The following SUGCT variants were observed in gnomAD, a reference collection of about 807,000 sequenced individuals.
The protein encoded by SUGCT is succinyl-CoA:glutarate-CoA transferase, also known as succinyl-CoA:glutarate CoA-transferase.
SUGCT carries 41 observed loss-of-function variants against 55.0 expected under a neutral mutation model. That is an observed-to-expected ratio of 0.74 (90% CI 0.58 to 0.97). SUGCT has a LOEUF of 0.97. Among genes scored for constraint, SUGCT ranks in the 50% least tolerant of loss-of-function variants. The pLI is 0.00. For synonymous variants in SUGCT, 187 were observed against 200.4 expected (o/e 0.93, Z 0.56); for missense variants, 568 against 547.8 (o/e 1.04, Z -0.37).
At chr7:40,221,368 C>T (rs192091560) in intron 6 of SUGCT, among the ~76,000 whole-genome samples, 18 of 147,728 alleles carry the variant, frequency 1.2e-4, no homozygotes, top group East Asian at 6.1e-4. Flanking sequence ...GAGCCAAGGT[C>T]ATGCCACTGC....
intron 9 of SUGCT, among the ~76,000 whole-genome samples, chr7:40,358,416 A>G (rs1300667076): frequency 6.6e-6 from 1 of 152,110 alleles, no homozygotes; most frequent in African/African-American, 2.4e-5. Context: ...AATTGCTTTA[A>G]AAAGTTATTC....
intron 12 of SUGCT, among the ~76,000 whole-genome samples, chr7:40,558,523 T>C (rs750375544): frequency 1.9e-4 from 29 of 152,206 alleles, no homozygotes; most frequent in Non-Finnish European, 4.1e-4. Flanking sequence ...ACAGATATCA[T>C]TAGGATTCCA....
chr7:40,565,993 GCACACACACACA>G (rs376444246), intron 12 of SUGCT, among the ~76,000 whole-genome samples: 2 of 123,948 alleles, frequency 1.6e-5, no homozygotes, highest in African/African-American at 4.1e-5. Flanking sequence ...ACACACACAC[GCACACACACACA>G]CACACACACA....
chr7:40,743,929 T>A (rs904129972), intron 12 of SUGCT, among the ~76,000 whole-genome samples: 2 of 152,082 alleles, frequency 1.3e-5, no homozygotes, highest in Non-Finnish European at 2.9e-5. Context: ...ATTTTTTGAA[T>A]ATATATTTTT....
intron 7 of SUGCT, among the ~76,000 whole-genome samples, chr7:40,251,845 T>C (rs1790433608): frequency 6.6e-6 from 1 of 151,660 alleles, no homozygotes; most frequent in Non-Finnish European, 1.5e-5. Flanking sequence ...CTTCAATCTT[T>C]TGCTTGGCTT....
intron 12 of SUGCT, among the ~76,000 whole-genome samples, chr7:40,543,563 A>G (rs971639561): frequency 6.6e-6 from 1 of 152,212 alleles, no homozygotes; most frequent in Non-Finnish European, 1.5e-5. Flanking sequence ...ATAAAAGGTT[A>G]TATTATGACT....
chr7:40,341,416 GA>G (rs971635602), intron 9 of SUGCT, among the ~76,000 whole-genome samples: 5 of 151,488 alleles, frequency 3.3e-5, no homozygotes, highest in East Asian at 3.9e-4. Flanking sequence ...TATTAATAGA[GA>G]AAAAAAAAGT....
intron 6 of SUGCT, among the ~76,000 whole-genome samples, chr7:40,208,560 C>T (rs1046499452): frequency 2.1e-5 from 3 of 146,270 alleles, no homozygotes; most frequent in African/African-American, 2.5e-5. Context: ...TAAATTGATT[C>T]TTTTTTTTTT....
intron 12 of SUGCT, among the ~76,000 whole-genome samples, chr7:40,639,014 A>G (rs1800144959): frequency 2.0e-5 from 3 of 152,328 alleles, no homozygotes; most frequent in Non-Finnish European, 4.4e-5. Context: ...ATCTCACGCT[A>G]TTGAGATTGA....
At chr7:40,198,825 C>T (rs567165888) in intron 6 of SUGCT, among the ~76,000 whole-genome samples, 10 of 152,024 alleles carry the variant, frequency 6.6e-5, no homozygotes, top group South Asian at 2.1e-4. Flanking sequence ...GACGAAACCC[C>T]GTCTCTACTA....
chr7:41,026,998 C>T, the SUGCT span, among the ~76,000 whole-genome samples: 3 of 152,138 alleles, frequency 2.0e-5, no homozygotes, highest in African/African-American at 7.2e-5. Context: ...TGCCATTGCA[C>T]TCCAGCCTGG....
the SUGCT span, among the ~76,000 whole-genome samples, chr7:40,956,142 C>T: frequency 0.33 from 50,538 of 152,004 alleles, 9,128 homozygotes; most frequent in Admixed American, 0.45. Context: ...GCTGGCCTCA[C>T]AAAAAGAGTT....
intron 1 of SUGCT, among the ~76,000 whole-genome samples, chr7:40,149,860 A>G (rs1236243428): frequency 6.6e-6 from 1 of 152,210 alleles, no homozygotes; most frequent in Non-Finnish European, 1.5e-5. Context: ...CGGAGGTTGC[A>G]GTGAGCTGAG....
chr7:40,427,442 A>G (rs1052781102), intron 9 of SUGCT, among the ~76,000 whole-genome samples: 6 of 152,194 alleles, frequency 3.9e-5, no homozygotes, highest in Admixed American at 2.0e-4. Context: ...CCCCCTTAAC[A>G]TAGTGTGGAC....
At chr7:40,359,817 G>A (rs1487266419) in intron 9 of SUGCT, among the ~76,000 whole-genome samples, 1 of 152,046 alleles carries the variant, frequency 6.6e-6, no homozygotes, top group Non-Finnish European at 1.5e-5. Context: ...AGTGGAAATG[G>A]TAGCTATTAT....
chr7:40,590,758 A>G (rs184033192), intron 12 of SUGCT, among the ~76,000 whole-genome samples: 336 of 152,268 alleles, frequency 2.2e-3, no homozygotes, highest in Non-Finnish European at 3.4e-3. Context: ...CTCCTTGACA[A>G]TTCTGCAAAT....
At chr7:41,010,724 G>A in the SUGCT span, among the ~76,000 whole-genome samples, 4 of 152,194 alleles carry the variant, frequency 2.6e-5, no homozygotes, top group South Asian at 6.2e-4. Flanking sequence ...AATCCAATTA[G>A]GATACCACAT....
At chr7:40,294,056 A>G (rs1409680434) in intron 8 of SUGCT, among the ~76,000 whole-genome samples, 2 of 151,688 alleles carry the variant, frequency 1.3e-5, no homozygotes, top group African/African-American at 4.8e-5. Context: ...CAAGCGATTC[A>G]CCTGCCTCAG....
At chr7:40,898,133 C>G in the SUGCT span, among the ~76,000 whole-genome samples, 6 of 151,832 alleles carry the variant, frequency 4.0e-5, no homozygotes, top group African/African-American at 1.5e-4. Flanking sequence ...GTGAAGCCAG[C>G]AAGACCACCA....
Sources: gnomAD v4.1 joint callset for allele counts (sites outside exome capture counted in the v4.1 genomes callset) on GRCh38, gnomAD v4.1.1 for gene constraint, MANE v1.5 for transcripts, NCBI Gene and HGNC (gene_info 2026-07-23, HGNC 2026-07-21) for gene names.